BTBD9: variants seen among roughly 807,000 people sequenced by gnomAD.
BTBD9 encodes the protein BTB domain containing 9.
Under a neutral mutation model 64.3 loss-of-function variants are expected in BTBD9, and 49 were observed. That is an observed-to-expected ratio of 0.76 (90% CI 0.61 to 0.97). The LOEUF (loss-of-function observed/expected upper bound fraction) is 0.97. Among genes scored for constraint, BTBD9 ranks in the 50% least tolerant of loss-of-function variants. BTBD9 has a pLI of 0.00. For missense variants in BTBD9, 598 were observed against 762.1 expected (o/e 0.78, Z 2.53); for synonymous variants, 260 against 274.7 (o/e 0.95, Z 0.53).
intron 1 of BTBD9, among the ~76,000 whole-genome samples, chr6:38,636,788 T>C (rs1464771331): frequency 6.6e-6 from 1 of 152,094 alleles, no homozygotes; most frequent in South Asian, 2.1e-4. Flanking sequence ...CCCTCATAAT[T>C]TGGCTCCAAA....
intron 8 of BTBD9, among the ~76,000 whole-genome samples, chr6:38,267,073 AG>A (rs1029886198): frequency 1.3e-5 from 2 of 152,270 alleles, no homozygotes; most frequent in African/African-American, 4.8e-5. Context: ...GTTCACCGGC[AG>A]GATCAGAAAA....
chr6:38,255,923 T>C (rs188033931), intron 9 of BTBD9, among the ~76,000 whole-genome samples: 3 of 151,244 alleles, frequency 2.0e-5, no homozygotes, highest in East Asian at 1.9e-4. Flanking sequence ...TGTCGTGGGG[T>C]TGGGGGGGTA....
intron 1 of BTBD9, among the ~76,000 whole-genome samples, chr6:38,623,218 C>T (rs1778050434): frequency 6.6e-6 from 1 of 152,176 alleles, no homozygotes; most frequent in African/African-American, 2.4e-5. Context: ...ACTGGACAGG[C>T]ACCTGCACCT....
chr6:38,605,689 G>A (rs970745780), intron 1 of BTBD9, among the ~76,000 whole-genome samples: 3 of 152,164 alleles, frequency 2.0e-5, no homozygotes, highest in Non-Finnish European at 4.4e-5. Context: ...ATGGTGGTGT[G>A]CATCTGCAGT....
At chr6:38,457,303 ATACTT>A (rs1163131728) in intron 6 of BTBD9, among the ~76,000 whole-genome samples, 5 of 152,300 alleles carry the variant, frequency 3.3e-5, no homozygotes, top group African/African-American at 1.2e-4. Flanking sequence ...TGCCACATAA[ATACTT>A]TACTGGAAGA....
chr6:38,261,534 A>G (rs941131209), intron 8 of BTBD9, among the ~76,000 whole-genome samples: 2 of 152,188 alleles, frequency 1.3e-5, no homozygotes, highest in Admixed American at 6.5e-5. Flanking sequence ...TTTTTAACTT[A>G]TTGAGCTTGA....
chr6:38,294,165 A>G (rs1163198786), intron 7 of BTBD9, among the ~76,000 whole-genome samples: 1 of 152,198 alleles, frequency 6.6e-6, no homozygotes, highest in Non-Finnish European at 1.5e-5. Flanking sequence ...AAGTCAGGAA[A>G]CAACAGATGC....
chr6:38,369,257 C>A (rs1765318245), intron 6 of BTBD9, among the ~76,000 whole-genome samples: 1 of 152,202 alleles, frequency 6.6e-6, no homozygotes, highest in African/African-American at 2.4e-5. Flanking sequence ...CTTCAAACTT[C>A]TCCCTAAGGA....
intron 8 of BTBD9, among the ~76,000 whole-genome samples, chr6:38,267,623 A>G (rs1301694800): frequency 6.6e-6 from 1 of 152,168 alleles, no homozygotes; most frequent in Non-Finnish European, 1.5e-5. Context: ...TGCCTTACAC[A>G]TCATAAGCTC....
At chr6:38,226,103 C>T (rs1041067167) in intron 9 of BTBD9, among the ~76,000 whole-genome samples, 3 of 152,226 alleles carry the variant, frequency 2.0e-5, no homozygotes, top group Non-Finnish European at 4.4e-5. Context: ...TATAATAACA[C>T]TTGCTCTCAC....
At chr6:38,627,010 T>C (rs1778191528) in intron 1 of BTBD9, among the ~76,000 whole-genome samples, 1 of 152,230 alleles carries the variant, frequency 6.6e-6, no homozygotes, top group South Asian at 2.1e-4. Flanking sequence ...GTTTACGTAA[T>C]TAAACTTTCA....
intron 7 of BTBD9, among the ~76,000 whole-genome samples, chr6:38,336,701 A>ACTAG (rs1763908171): frequency 6.6e-6 from 1 of 152,114 alleles, no homozygotes; most frequent in South Asian, 2.1e-4. Flanking sequence ...TATACCCTCC[A>ACTAG]CTAGGAGGTC....
rs1766800472 is a variant in BTBD9, at chr6:38,171,880, A to AAAAAAAAT, written c.*3104_*3105insATTTTTTT. The AAAAAAAAT allele has an allele frequency of 2.2e-5, 2 of 89,548 alleles. No homozygotes were observed. The highest frequency in any genetic ancestry group is 5.1e-5 in the African/African-American group (1 of 19,706). 5.5% of individuals were successfully genotyped at this position (89,548 alleles called of 1,614,324 possible). A position where few individuals can be genotyped will look rare whatever the true frequency, so the allele number is the denominator to read the frequency against. On this transcript the variant is annotated 3_prime_UTR_variant, in exon 11 of 11. Coordinates refer to ENST00000481247, the MANE Select transcript of BTBD9 (RefSeq NM_001099272.2). Reference sequence around the variant, plus strand: ...AAAAAAAAAAAAAAAAAAAAAAAAAAAATAATAATAATAATAATAATAATA... The same window carrying AAAAAAAAT: ...AAAAAAAAAAAAAAAAAAAAAAAAAAAAAAAAATAATAATAATAATAATAATAATAATA...
At chr6:38,351,504 G>GTTTTTTTTTT (rs79539406) in intron 6 of BTBD9, among the ~76,000 whole-genome samples, 24 of 96,686 alleles carry the variant, frequency 2.5e-4, no homozygotes, top group East Asian at 3.5e-4. Flanking sequence ...TTTAATTGTT[G>GTTTTTTTTTT]TTGTTTTTTT....
At chr6:38,486,304 T>C (rs1370258381) in intron 6 of BTBD9, among the ~76,000 whole-genome samples, 1 of 152,234 alleles carries the variant, frequency 6.6e-6, no homozygotes, top group Non-Finnish European at 1.5e-5. Context: ...CTGGAGTGCT[T>C]GGACTTTCCT....
intron 6 of BTBD9, among the ~76,000 whole-genome samples, chr6:38,469,642 G>T (rs1324719884): frequency 6.6e-6 from 1 of 152,118 alleles, no homozygotes; most frequent in Non-Finnish European, 1.5e-5. Flanking sequence ...AAAATACCCT[G>T]TATGATTCAT....
rs749286925 is a variant in BTBD9 at position 38,345,134 on chromosome 6, CCCA to C, written c.1155-44_1155-42del. The C allele has an allele frequency of 2.3e-6, 3 of 1,281,418 alleles. No homozygotes were observed. In the South Asian group the frequency reaches 3.7e-5, roughly 16 times the overall value. The allele number at this position is 1,281,418 out of a possible 1,614,324, so 79.4% of individuals were successfully genotyped here. A position where few individuals can be genotyped will look rare whatever the true frequency, so the allele number is the denominator to read the frequency against. ...AAAGAAAATGTGTTGAAAATGAGCT[CCCA>C]CCACAACCAATCCAAGGATAACAGA... is the stretch of plus-strand genomic sequence containing the variant. On this transcript the variant is annotated intron_variant, in intron 6 of 10. Transcript: ENST00000481247.
At chr6:38,338,161 A>G in intron 7 of BTBD9, among the ~76,000 whole-genome samples, 1 of 152,182 alleles carries the variant, frequency 6.6e-6, no homozygotes, top group Non-Finnish European at 1.5e-5. Context: ...CTGAAACTTC[A>G]TGTAGTACCA....
intron 6 of BTBD9, among the ~76,000 whole-genome samples, chr6:38,564,589 A>G (rs1775399250): frequency 1.3e-5 from 2 of 151,960 alleles, no homozygotes; most frequent in Non-Finnish European, 2.9e-5. Context: ...CAAGCATAAC[A>G]TAAGAATCTC....
Sources: allele counts gnomAD v4.1 joint callset (sites outside exome capture counted in the v4.1 genomes callset), GRCh38; gene constraint gnomAD v4.1.1; transcripts MANE v1.5; gene names NCBI Gene and HGNC (gene_info 2026-07-23, HGNC 2026-07-21).